Variants in TNS1 observed in about 807,000 individuals in gnomAD.
TNS1 encodes the protein tensin 1, also known as tensin-1.
In TNS1, 62 loss-of-function variants were observed where a neutral mutation model predicts 168.6. That is an observed-to-expected ratio of 0.37 (90% CI 0.30 to 0.45). The LOEUF is 0.45. TNS1 is among the 20% of genes least tolerant of loss of function. The pLI is 1.00. For missense variants in TNS1, 2,240 were observed against 2,339.4 expected (o/e 0.96, Z 0.88); for synonymous variants, 934 against 933.2 (o/e 1.00, Z -0.02).
chr2:217,834,219 T>C (rs965177448), intron 21 of TNS1, among the ~76,000 whole-genome samples: 3 of 152,130 alleles, frequency 2.0e-5, no homozygotes, highest in Non-Finnish European at 4.4e-5. Flanking sequence ...CACATTCCTC[T>C]CCAGTACAGG....
chr2:217,978,882 C>A, intron 2 of TNS1, 80 bp from the exon 3 acceptor site: 3 of 698,554 alleles, frequency 4.3e-6, no homozygotes, highest in Non-Finnish European at 2.6e-6. Context: ...CCTCCCACCC[C>A]AGCCCGCAAT....
chr2:217,884,904 A>T, intron 16 of TNS1, 131 bp downstream of exon 16: 2 of 1,174,948 alleles, frequency 1.7e-6, no homozygotes, highest in Non-Finnish European at 2.4e-6. Flanking sequence ...ACTCTCTCCT[A>T]CCATCACCCT....
Position 217,808,182 on chromosome 2 carries a change from C to T in TNS1, c.5343-75G>A, listed in dbSNP as rs934985805. 4 of 1,566,208 alleles carry T rather than the reference C, an allele frequency of 2.6e-6. No individual in the cohort carries two copies. In the East Asian group the frequency reaches 6.9e-5, roughly 27 times the overall value. Reference sequence around the variant, plus strand: ...AGCCCAGCCCCACCCATGCCCAGACCCTCTGCAGGAAGGTCTGGGGAGAGG... The same window carrying T: ...AGCCCAGCCCCACCCATGCCCAGACTCTCTGCAGGAAGGTCTGGGGAGAGG... On this transcript the variant is annotated intron_variant, in intron 31 of 32. Transcript: ENST00000682258.
intron 2 of TNS1, among the ~76,000 whole-genome samples, chr2:217,979,528 G>GACACACACACACACACACAC (rs35499293): frequency 2.0e-5 from 3 of 146,706 alleles, no homozygotes; most frequent in African/African-American, 5.2e-5. Flanking sequence ...GAAACACACA[G>GACACACACACACACACACAC]ACACACACAC....
chr2:217,891,593 T>C (rs949382287), intron 11 of TNS1, among the ~76,000 whole-genome samples: 5 of 152,158 alleles, frequency 3.3e-5, no homozygotes, highest in Non-Finnish European at 7.4e-5. Context: ...CACAGAAGAT[T>C]CTACCATCCT....
intron 3 of TNS1, among the ~76,000 whole-genome samples, chr2:217,932,820 T>C (rs555441168): frequency 1.3e-5 from 2 of 152,334 alleles, no homozygotes; most frequent in South Asian, 4.1e-4. Context: ...GCTTCAGTTA[T>C]CTGAAAATTC....
In TNS1 at chr2:217,848,277, A is replaced by G; in HGVS notation, c.2240T>C (p.Phe747Ser). ...DPSGMFRSQS[F>S]SEAEPQLPPA... ...GGGCAGCTGGGGTTCAGCTTCCGAA[A>G]AGGATTGAGAGCGGAACATACCGCT... Residue 747 changes from phenylalanine (F) to serine (S), a missense_variant, in exon 19 of 33, where the codon TTT becomes TCT. Phe to Ser is a radical substitution (Grantham distance 155). Around this residue, in one of 2 missense-constraint regions of TNS1, gnomAD observed 2,131 missense variants for 2,171.2 expected, o/e 0.98. Coordinates refer to ENST00000682258, the MANE Select transcript of TNS1 (RefSeq NM_001387777.1). 1 of 1,548,274 alleles carries G rather than the reference A, an allele frequency of 6.5e-7. No homozygotes were observed. Among genetic ancestry groups the G allele is most frequent in the Non-Finnish European group, 8.7e-7 (1 of 1,146,736 alleles).
At chr2:217,897,648 C>T (rs768291251) in intron 8 of TNS1, 150 bp downstream of exon 8, 17 of 815,884 alleles carry the variant, frequency 2.1e-5, no homozygotes, top group South Asian at 5.7e-5. Flanking sequence ...GACTCAGGCA[C>T]GAGAGCTGCC....
At chr2:218,010,133 G>A in exon 1 of TNS1, 1 of 399,282 alleles carries the variant, frequency 2.5e-6, no homozygotes, top group Non-Finnish European at 4.4e-6. Context: ...GGGGCAGGAG[G>A]CACGAGAAGA....
At chr2:217,921,938 G>A (rs895714632) in intron 3 of TNS1, among the ~76,000 whole-genome samples, 4 of 152,178 alleles carry the variant, frequency 2.6e-5, no homozygotes, top group East Asian at 1.9e-4. Context: ...ATAAGTGGCC[G>A]AGATTTGAAC....
At chr2:217,908,793 G>A (rs1054776196) in intron 4 of TNS1, among the ~76,000 whole-genome samples, 7 of 152,040 alleles carry the variant, frequency 4.6e-5, no homozygotes, top group African/African-American at 1.5e-4. Context: ...GAGGGACAAC[G>A]GGGTCCAGGC....
rs988230787 is a variant in TNS1, at chr2:217,871,301, T to G, written c.1429+9597A>C. 5.8e-4 allele frequency among the ~76,000 whole-genome samples: 88 copies of G among 152,284 alleles called. 1 individual carries two copies. Among genetic ancestry groups the G allele is most frequent in the Admixed American group, 5.4e-3 (83 of 15,306 alleles). ...AGCAGCTTTGAATTCCTCCCTCCCC[T>G]GCTACTGCCCCCACCACCTTGAAGT... On this transcript the variant is annotated intron_variant, in intron 18 of 32. Coordinates refer to ENST00000682258, the MANE Select transcript of TNS1 (RefSeq NM_001387777.1).
At chr2:217,885,841 A>T (rs765204333) in intron 14 of TNS1, 22 bp from the exon 15 acceptor site, 1 of 1,613,160 alleles carries the variant, frequency 6.2e-7, no homozygotes, top group Admixed American at 1.7e-5. Flanking sequence ...AGGTGGGCAG[A>T]AAAAGAGTGG....
At chr2:217,920,173 G>A in intron 4 of TNS1, 22 bp downstream of exon 4, 1 of 703,032 alleles carries the variant, frequency 1.4e-6, no homozygotes, top group Non-Finnish European at 2.6e-6. Context: ...GGCTTGCAGG[G>A]CAAGGAAGGG....
rs560175705 is a variant in TNS1 at position 217,911,756 on chromosome 2, C to A, written c.229-4505G>T. On this transcript the variant is annotated intron_variant, in intron 4 of 32. Coordinates refer to ENST00000682258, the MANE Select transcript of TNS1 (RefSeq NM_001387777.1). ...GCTGTTTGAACCTTGCTCCTCACCT[C>A]CCCATCATGCTATCTCCCCTCTCCC... Among the ~76,000 whole-genome samples, 6 of 152,306 alleles carry A rather than the reference C, an allele frequency of 3.9e-5. No individual in the cohort carries two copies. In the East Asian group the frequency reaches 1.2e-3, roughly 29 times the overall value.
chr2:217,983,716 C>T (rs1399397752), intron 2 of TNS1, among the ~76,000 whole-genome samples: 3 of 152,306 alleles, frequency 2.0e-5, no homozygotes, highest in East Asian at 1.9e-4. Flanking sequence ...CTCGCATGCC[C>T]GGTCCGGCTT....
rs781334365 is a variant in TNS1, at chr2:217,836,067, G to A, written c.3152C>T (p.Ser1051Phe). 6 of 1,614,076 alleles carry A rather than the reference G, an allele frequency of 3.7e-6. No individual in the cohort carries two copies. Among genetic ancestry groups the A allele is most frequent in the Non-Finnish European group, 5.1e-6 (6 of 1,179,950 alleles). ...PGVRSPVQCVSPELALTIALN... is the reference protein window; with the variant it reads ...PGVRSPVQCVFPELALTIALN... Reference sequence around the variant, plus strand: ...AGCGATGGTAAGAGCCAGCTCCGGGGAGACACACTGGACAGGGGAGCGAAC... The same window carrying A: ...AGCGATGGTAAGAGCCAGCTCCGGGAAGACACACTGGACAGGGGAGCGAAC... The change falls in exon 20 of 33, where the codon TCC becomes TTC. Residue 1051 changes from serine (S) to phenylalanine (F), a missense_variant. Ser to Phe is a radical substitution (Grantham distance 155). This residue lies in a region of TNS1 where 2,131 missense variants were observed against 2,171.2 expected (regional missense o/e 0.98). Coordinates refer to ENST00000682258, the MANE Select transcript of TNS1 (RefSeq NM_001387777.1).
At chr2:217,893,392 G>GCT in intron 10 of TNS1, 47 bp downstream of exon 10, 2 of 1,479,020 alleles carry the variant, frequency 1.4e-6, no homozygotes, top group Non-Finnish European at 1.8e-6. Context: ...GTGCGCATGT[G>GCT]CGCGCGCGCA....
At chr2:217,808,249 C>A (rs1939602321) in intron 31 of TNS1, 142 bp from the exon 32 acceptor site, 1 of 967,042 alleles carries the variant, frequency 1.0e-6, no homozygotes, top group Non-Finnish European at 1.6e-6. Context: ...TTCCCCCATT[C>A]CCCAGGGACA....
Sources: gnomAD v4.1 joint callset for allele counts (sites outside exome capture counted in the v4.1 genomes callset) on GRCh38, gnomAD v4.1.1 for gene constraint, gnomAD v4.1.1 regional missense constraint, MANE v1.5 for transcripts, NCBI Gene and HGNC (gene_info 2026-07-23, HGNC 2026-07-21) for gene names.